The following ZBTB2 variants were observed in gnomAD, a reference collection of about 807,000 sequenced individuals.
The protein encoded by ZBTB2 is zinc finger and BTB domain-containing protein 2.
ZBTB2 carries 2 observed loss-of-function variants against 39.5 expected under a neutral mutation model. That is an observed-to-expected ratio of 0.05 (90% CI 0.02 to 0.16). The LOEUF (loss-of-function observed/expected upper bound fraction) is 0.16, where lower values mean the gene tolerates loss of function less well. Among genes scored for constraint, ZBTB2 ranks in the 10% least tolerant of loss-of-function variants. The pLI is 1.00. For synonymous variants in ZBTB2, 251 were observed against 256.6 expected, an observed-to-expected ratio of 0.98 and a Z score of 0.21; for missense variants, 391 against 653.0, an observed-to-expected ratio of 0.60 and a Z score of 4.37.
intron 1 of ZBTB2, among the ~76,000 whole-genome samples, chr6:151,385,341 A>T (rs941134260): frequency 1.3e-5 from 2 of 152,236 alleles, no homozygotes; most frequent in Non-Finnish European, 2.9e-5. Context: ...TTCCTCCTTG[A>T]TAACAGGACA....
intron 1 of ZBTB2, among the ~76,000 whole-genome samples, chr6:151,389,925 G>A (rs2114887565): frequency 6.6e-6 from 1 of 152,162 alleles, no homozygotes; most frequent in Non-Finnish European, 1.5e-5. Flanking sequence ...GTTCTCTCTT[G>A]CGGCTTTGTT....
intron 1 of ZBTB2, among the ~76,000 whole-genome samples, chr6:151,390,522 C>A (rs975966853): frequency 3.3e-5 from 5 of 150,304 alleles, no homozygotes; most frequent in African/African-American, 1.2e-4. Context: ...CCGGCCGGCG[C>A]AACAGCCCCG....
intron 1 of ZBTB2, among the ~76,000 whole-genome samples, chr6:151,380,880 G>C (rs1458638424): frequency 2.0e-5 from 3 of 152,024 alleles, no homozygotes; most frequent in Non-Finnish European, 4.4e-5. Flanking sequence ...ACTTGATTTA[G>C]GTAAAACTCA....
At position 151,364,359 on chromosome 6, in the gene ZBTB2, A is replaced by G. The variant is rs1440865946; in HGVS notation, c.*1162T>C. 1 of 151,964 alleles carries G rather than the reference A, an allele frequency of 6.6e-6. No individual in the cohort carries two copies. Among genetic ancestry groups the G allele is most frequent in the Non-Finnish European group, 1.5e-5 (1 of 67,878 alleles). The allele number at this position is 151,964 out of a possible 1,614,324, so 9.4% of individuals were successfully genotyped here. A position where few individuals can be genotyped will look rare whatever the true frequency, so the allele number is the denominator to read the frequency against. ...AACAATTTTTACTGCTTTCGGGCCA[A>G]TGGAGAAAATTTCAGGCATTAAGAA... On this transcript the variant is annotated 3_prime_UTR_variant, in exon 3 of 3. Transcript: ENST00000325144.
intron 2 of ZBTB2, among the ~76,000 whole-genome samples, chr6:151,368,220 C>A (rs888250590): frequency 2.0e-5 from 3 of 152,144 alleles, no homozygotes; most frequent in African/African-American, 4.8e-5. Context: ...GATCTCGGCT[C>A]ACTGCAAGCT....
intron 1 of ZBTB2, 89 bp from the exon 2 acceptor site, chr6:151,373,738 A>T: frequency 8.0e-7 from 1 of 1,243,470 alleles, no homozygotes; most frequent in Non-Finnish European, 1.1e-6. Flanking sequence ...ATCATAGCTA[A>T]CATGTCATCA....
At chr6:151,385,585 A>C (rs1375477683) in intron 1 of ZBTB2, among the ~76,000 whole-genome samples, 1 of 152,210 alleles carries the variant, frequency 6.6e-6, no homozygotes, top group African/African-American at 2.4e-5. Flanking sequence ...TAAGACACTA[A>C]ACACCACTTA....
At chr6:151,379,592 T>C (rs1582920749) in intron 1 of ZBTB2, among the ~76,000 whole-genome samples, 2 of 137,320 alleles carry the variant, frequency 1.5e-5, no homozygotes, top group Non-Finnish European at 3.0e-5. Context: ...CAGTGAGCCA[T>C]GTTAGCGTGC....
In ZBTB2 at chr6:151,365,798, T is replaced by C. The variant is rs938608695; in HGVS notation, c.1268A>G (p.Lys423Arg). The C allele has an allele frequency of 6.2e-7, 1 of 1,614,208 alleles. No individual in the cohort carries two copies. The highest frequency in any genetic ancestry group is 8.5e-7 in the Non-Finnish European group (1 of 1,180,038). ...AAATGTGCAGAGTTCCAGAGTCTGT[T>C]TGTCCACCATGGTGTAAGTGTCGAT... is the stretch of plus-strand genomic sequence containing the variant. ...QSIDTYTMVDKQTLELCTFEE... is the reference protein window; with the variant it reads ...QSIDTYTMVDRQTLELCTFEE... The change falls in exon 3 of 3, where the codon AAA (lysine) becomes AGA (arginine). Residue 423 changes from lysine to arginine, a missense_variant. By Grantham distance (26) the Lys-to-Arg change is conservative (BLOSUM62 2). Coordinates refer to ENST00000325144, the MANE Select transcript of ZBTB2 (RefSeq NM_020861.3). This position sits in a 1 kb window ranked among gnomAD's most constrained non-coding sequence, Gnocchi z 5.6.
chr6:151,382,940 T>C (rs534909174), intron 1 of ZBTB2, among the ~76,000 whole-genome samples: 2 of 152,100 alleles, frequency 1.3e-5, no homozygotes, highest in East Asian at 3.9e-4. Context: ...TTTTTTTTTT[T>C]TTTTAGATTG....
chr6:151,381,554 A>T (rs1779035431), intron 1 of ZBTB2, among the ~76,000 whole-genome samples: 2 of 151,422 alleles, frequency 1.3e-5, no homozygotes, highest in Non-Finnish European at 2.9e-5. Context: ...AAATAAAAAT[A>T]AAATAAATAA....
intron 2 of ZBTB2, among the ~76,000 whole-genome samples, chr6:151,368,501 C>T (rs1778701094): frequency 6.6e-6 from 1 of 151,722 alleles, no homozygotes; most frequent in Admixed American, 6.6e-5. Context: ...TGTCACCAGG[C>T]TGGAGTGCAG....
intron 1 of ZBTB2, among the ~76,000 whole-genome samples, chr6:151,390,316 C>T (rs1257261453): frequency 6.9e-6 from 1 of 144,042 alleles, no homozygotes; most frequent in Non-Finnish European, 1.5e-5. Flanking sequence ...CGCCGGGGCC[C>T]TCTGGCCCCC....
At chr6:151,389,508 T>C (rs552516632) in intron 1 of ZBTB2, among the ~76,000 whole-genome samples, 2 of 152,268 alleles carry the variant, frequency 1.3e-5, no homozygotes, top group South Asian at 4.1e-4. Context: ...GGGGTTGGCA[T>C]AGATGGATGA....
intron 1 of ZBTB2, among the ~76,000 whole-genome samples, chr6:151,389,318 G>A (rs1044996329): frequency 6.6e-6 from 1 of 152,132 alleles, no homozygotes; most frequent in East Asian, 1.9e-4. Flanking sequence ...AAACATCCTG[G>A]ATACACAACA....
In ZBTB2 at chr6:151,366,579, TCTGTGG is replaced by T; in HGVS notation, c.481_486del (p.Pro161_Gln162del). 1 of 1,613,864 alleles carries T rather than the reference TCTGTGG, an allele frequency of 6.2e-7. No homozygotes were observed. Among genetic ancestry groups the T allele is most frequent in the South Asian group, 1.1e-5 (1 of 91,046 alleles). ...ACCTGCTCCTGGCTTATCCTGGAGGTCTGTGGCCGTGGATCTCGCCCGAGTTTTTCA... is the reference window on the plus strand; with the variant it reads ...ACCTGCTCCTGGCTTATCCTGGAGGTCCGTGGATCTCGCCCGAGTTTTTCA... On this transcript the variant is annotated inframe_deletion, in exon 3 of 3. Transcript: ENST00000325144. This position sits in a 1 kb window ranked among gnomAD's most constrained non-coding sequence, Gnocchi z 7.1.
Position 151,387,383 on chromosome 6 carries a change from G to A in ZBTB2, c.-13+4037C>T, listed in dbSNP as rs183726853. On this transcript the variant is annotated intron_variant, in intron 1 of 2. Coordinates refer to ENST00000325144, the MANE Select transcript of ZBTB2 (RefSeq NM_020861.3). ...TGAGAAGACATTTTGTCAACACAGCGGAAAAGGCCATAACAACTTAGTATT... is the reference window on the plus strand; with the variant it reads ...TGAGAAGACATTTTGTCAACACAGCAGAAAAGGCCATAACAACTTAGTATT... Among the ~76,000 whole-genome samples the A allele has an allele frequency of 9.2e-5, 14 of 151,428 alleles. No individual in the cohort carries two copies. The South Asian group carries it at 1.3e-3, about 14-fold the overall frequency.
chr6:151,374,127 G>T (rs962642316), intron 1 of ZBTB2, among the ~76,000 whole-genome samples: 2 of 152,138 alleles, frequency 1.3e-5, no homozygotes, highest in African/African-American at 4.8e-5. Context: ...TTCTTCCACA[G>T]AGATAGATAA....
intron 1 of ZBTB2, among the ~76,000 whole-genome samples, chr6:151,378,466 C>G (rs1292709087): frequency 6.6e-6 from 1 of 152,158 alleles, no homozygotes; most frequent in Non-Finnish European, 1.5e-5. Flanking sequence ...ACAGAAAAGG[C>G]ATGGGGTTCA....
Sources: gnomAD v4.1 joint callset for allele counts (sites outside exome capture counted in the v4.1 genomes callset) on GRCh38, gnomAD v4.1.1 for gene constraint, Gnocchi (gnomAD v3.1) non-coding constraint, MANE v1.5 for transcripts, NCBI Gene and HGNC (gene_info 2026-07-23, HGNC 2026-07-21) for gene names.